Variants in DIP2C observed in about 807,000 individuals in gnomAD.
The protein encoded by DIP2C is disco-interacting protein 2 homolog C.
DIP2C carries 33 observed loss-of-function variants against 192.4 expected under a neutral mutation model. The ratio of observed to expected loss-of-function variants is 0.17; its 90% confidence interval spans 0.13 to 0.23. The LOEUF is 0.23. Among genes scored for constraint, DIP2C ranks in the 10% least tolerant of loss-of-function variants. The pLI is 1.00. For missense variants in DIP2C, 1,537 were observed against 2,110.1 expected (o/e 0.73, Z 5.32); for synonymous variants, 979 against 864.1 (o/e 1.13, Z -2.33).
At chr10:519,505 T>C (rs1846565310) in intron 1 of DIP2C, among the ~76,000 whole-genome samples, 1 of 151,924 alleles carries the variant, frequency 6.6e-6, no homozygotes, top group South Asian at 2.1e-4. Context: ...CCCCCACACA[T>C]ACATGGGACC....
At chr10:280,254 CAGCT>C (rs1391984058) in intron 36 of DIP2C, among the ~76,000 whole-genome samples, 1 of 152,184 alleles carries the variant, frequency 6.6e-6, no homozygotes, top group East Asian at 1.9e-4. Flanking sequence ...TATTGCATCT[CAGCT>C]AGCTAAGAGG....
chr10:438,828 T>A (rs1967485984), intron 4 of DIP2C, among the ~76,000 whole-genome samples: 1 of 152,012 alleles, frequency 6.6e-6, no homozygotes, highest in East Asian at 1.9e-4. Flanking sequence ...TTATCGTTAT[T>A]TTTTTCTAAT....
At chr10:373,377 A>T (rs890040031) in intron 17 of DIP2C, among the ~76,000 whole-genome samples, 9 of 152,214 alleles carry the variant, frequency 5.9e-5, no homozygotes, top group Admixed American at 2.0e-4. Context: ...TTAGACTCCT[A>T]GATATGCAGT....
chr10:593,937 TCTGTGTAGGAGTC>T (rs1851551354), intron 1 of DIP2C, among the ~76,000 whole-genome samples: 1 of 152,168 alleles, frequency 6.6e-6, no homozygotes. Context: ...ATTTCAGAGC[TCTGTGTAGGAGTC>T]CAGCACACTT....
At chr10:534,284 G>A (rs1847574552) in intron 1 of DIP2C, among the ~76,000 whole-genome samples, 1 of 152,190 alleles carries the variant, frequency 6.6e-6, no homozygotes, top group East Asian at 1.9e-4. Flanking sequence ...CCCCTTAAAG[G>A]GGAAAAGGCG....
chr10:387,854 G>A lies in DIP2C; in HGVS notation c.1598-45C>T, dbSNP rs78199704. 781 of 1,591,384 alleles carry A rather than the reference G, an allele frequency of 4.9e-4. 5 individuals are homozygous for A. In the African/African-American group the frequency reaches 9.7e-3, roughly 20 times the overall value. On this transcript the variant is annotated intron_variant, in intron 13 of 36. Coordinates refer to ENST00000280886, the MANE Select transcript of DIP2C (RefSeq NM_014974.3). ...AGGAGATTTTTACTTAGGACAGGGC[G>A]GCAACAGATCAAAATGCAAACAAAA...
chr10:279,608 G>A (rs1044029484), intron 36 of DIP2C, among the ~76,000 whole-genome samples: 6 of 152,244 alleles, frequency 3.9e-5, no homozygotes, highest in Non-Finnish European at 7.3e-5. Flanking sequence ...TGTCACAGCC[G>A]CATTTCTCAG....
In DIP2C at chr10:362,650, G is replaced by T; in HGVS notation, c.2634C>A (p.Ala878=). 6.2e-7 allele frequency: 1 copy of T among 1,613,820 alleles called. No individual in the cohort carries two copies. The highest frequency in any genetic ancestry group is 8.5e-7 in the Non-Finnish European group (1 of 1,179,848). Reference sequence around the variant, plus strand: ...TGGGGAGGGTGTTTGCTGGCACCAAGGCCAGGCAATAAACTCCAACTTGAT... The same window carrying T: ...TGGGGAGGGTGTTTGCTGGCACCAATGCCAGGCAATAAACTCCAACTTGAT... ...SIHQVGVYCL[A]LVPANTLPKT... The change falls in exon 22 of 37, where the codon GCC becomes GCA. Residue 878 remains alanine, a synonymous_variant. Coordinates refer to ENST00000280886, the MANE Select transcript of DIP2C (RefSeq NM_014974.3).
intron 1 of DIP2C, among the ~76,000 whole-genome samples, chr10:541,903 C>G (rs912056451): frequency 6.6e-6 from 1 of 152,218 alleles, no homozygotes; most frequent in South Asian, 2.1e-4. Context: ...CTCACCTTCT[C>G]GTCGGGTCAA....
At chr10:359,333 C>T (rs1959201734) in intron 22 of DIP2C, among the ~76,000 whole-genome samples, 1 of 152,170 alleles carries the variant, frequency 6.6e-6, no homozygotes, top group African/African-American at 2.4e-5. Flanking sequence ...CCACTTATCA[C>T]AGCTGCGCAG....
At chr10:459,009 A>G (rs1969534565) in intron 3 of DIP2C, among the ~76,000 whole-genome samples, 1 of 148,664 alleles carries the variant, frequency 6.7e-6, no homozygotes, top group Admixed American at 6.8e-5. Context: ...AAAAAAAAAA[A>G]GCTTTAAAAA....
At chr10:433,664 G>A (rs1330522455) in intron 4 of DIP2C, among the ~76,000 whole-genome samples, 1 of 152,116 alleles carries the variant, frequency 6.6e-6, no homozygotes, top group Non-Finnish European at 1.5e-5. Flanking sequence ...CTGGGCCAAG[G>A]AGTAAGACTC....
chr10:650,715 T>C, intron 1 of DIP2C: 1 of 625,544 alleles, frequency 1.6e-6, no homozygotes. Flanking sequence ...CTGGCCAGAG[T>C]GCTCTGGGCC....
intron 10 of DIP2C, among the ~76,000 whole-genome samples, chr10:398,828 A>G (rs1301777422): frequency 1.3e-5 from 2 of 152,014 alleles, no homozygotes; most frequent in Non-Finnish European, 1.5e-5. Flanking sequence ...ATTTACCCCA[A>G]TTCTAGTGCA....
Position 423,553 on chromosome 10 carries a change from TTATTTC to T in DIP2C, c.395-526_395-521del, listed in dbSNP as rs142155293. Among the ~76,000 whole-genome samples the T allele has an allele frequency of 5.7e-3, 871 of 152,298 alleles. 2 individuals carry two copies. The highest frequency in any genetic ancestry group is 0.014 in the East Asian group (70 of 5,184). ...TGTGTTAGACACCCATGCAGCTGATTTATTTCTATGTCAGTGTGTTAGATAACCATG... is the reference window on the plus strand; with the variant it reads ...TGTGTTAGACACCCATGCAGCTGATTTATGTCAGTGTGTTAGATAACCATG... On this transcript the variant is annotated intron_variant, in intron 4 of 36. Coordinates refer to ENST00000280886, the MANE Select transcript of DIP2C (RefSeq NM_014974.3).
intron 1 of DIP2C, among the ~76,000 whole-genome samples, chr10:606,100 A>G (rs1393151411): frequency 6.6e-6 from 1 of 152,220 alleles, no homozygotes; most frequent in Non-Finnish European, 1.5e-5. Context: ...GGGAAGCACC[A>G]AAGATACAGA....
At chr10:338,062 A>C (rs1957955366) in intron 29 of DIP2C, among the ~76,000 whole-genome samples, 1 of 152,202 alleles carries the variant, frequency 6.6e-6, no homozygotes, top group African/African-American at 2.4e-5. Flanking sequence ...TTTTAACAAA[A>C]GCTTCAAATG....
chr10:659,331 T>C (rs1856610809), intron 1 of DIP2C, among the ~76,000 whole-genome samples: 1 of 152,122 alleles, frequency 6.6e-6, no homozygotes, highest in South Asian at 2.1e-4. Context: ...CCAAGACACA[T>C]ACATGCACAA....
At chr10:524,110 G>T (rs1409014238) in intron 1 of DIP2C, among the ~76,000 whole-genome samples, 2 of 151,578 alleles carry the variant, frequency 1.3e-5, no homozygotes, top group Non-Finnish European at 2.9e-5. Context: ...CTTCAGGAAG[G>T]AGTCCCTGGC....
Sources: allele counts gnomAD v4.1 joint callset (sites outside exome capture counted in the v4.1 genomes callset), GRCh38; gene constraint gnomAD v4.1.1; transcripts MANE v1.5; gene names NCBI Gene and HGNC (gene_info 2026-07-23, HGNC 2026-07-21).